RBFOX1: variants seen among roughly 807,000 people sequenced by gnomAD.
RBFOX1 encodes RNA binding protein fox-1 homolog 1.
A neutral mutation model predicts 57.7 loss-of-function variants in RBFOX1; 8 were observed. The observed-to-expected ratio is 0.14, with a 90% CI of 0.08 to 0.25. RBFOX1 has a LOEUF of 0.25. Among genes scored for constraint, RBFOX1 ranks in the 10% least tolerant of loss-of-function variants. RBFOX1 has a pLI of 1.00. For synonymous variants in RBFOX1, 326 were observed against 222.4 expected (o/e 1.47, Z -4.15); for missense variants, 611 against 548.5 (o/e 1.11, Z -1.14).
intron 3 of RBFOX1, among the ~76,000 whole-genome samples, chr16:5,673,922 A>C (rs2050089800): frequency 6.6e-6 from 1 of 152,222 alleles, no homozygotes; most frequent in African/African-American, 2.4e-5. Flanking sequence ...GCTGGTTACA[A>C]AACCGAAAGG....
intron 4 of RBFOX1, among the ~76,000 whole-genome samples, chr16:5,871,333 C>A (rs766911929): frequency 6.6e-6 from 1 of 152,230 alleles, no homozygotes; most frequent in African/African-American, 2.4e-5. Context: ...TAAGATGTCA[C>A]ATACATAATA....
chr16:5,671,344 G>A (rs1359678373), intron 3 of RBFOX1, among the ~76,000 whole-genome samples: 2 of 152,198 alleles, frequency 1.3e-5, no homozygotes, highest in Admixed American at 1.3e-4. Flanking sequence ...GGATAAAGAT[G>A]ATCAGAGAGG....
intron 3 of RBFOX1, among the ~76,000 whole-genome samples, chr16:5,624,697 T>C (rs2048298579): frequency 6.6e-6 from 1 of 152,232 alleles, no homozygotes; most frequent in Non-Finnish European, 1.5e-5. Context: ...CTGCAATGCA[T>C]ATGCATCAGG....
chr16:5,284,776 T>TTTTTTTTTTTTTTTTTTTTTTTTTTTC (rs2063353152), intron 1 of RBFOX1, among the ~76,000 whole-genome samples: 1 of 145,298 alleles, frequency 6.9e-6, no homozygotes, highest in African/African-American at 2.5e-5. Flanking sequence ...TTTTTTTTTT[T>TTTTTTTTTTTTTTTTTTTTTTTTTTTC]TTTTTTACTT....
At chr16:5,339,558 C>T (rs546091438) in intron 1 of RBFOX1, among the ~76,000 whole-genome samples, 8 of 129,104 alleles carry the variant, frequency 6.2e-5, no homozygotes, top group African/African-American at 2.3e-4. Flanking sequence ...TCTTAGCTCA[C>T]TGCAAGCTTC....
At chr16:6,676,296 G>T (rs185712901) in intron 3 of RBFOX1, among the ~76,000 whole-genome samples, 8 of 152,230 alleles carry the variant, frequency 5.3e-5, no homozygotes, top group Non-Finnish European at 1.2e-4. Context: ...TGTGGAGAAA[G>T]TGGATAGGGA....
chr16:7,620,190 A>G (rs2059092765), intron 10 of RBFOX1, among the ~76,000 whole-genome samples: 2 of 152,238 alleles, frequency 1.3e-5, no homozygotes, highest in Admixed American at 6.5e-5. Flanking sequence ...TTCCATGATT[A>G]TGATTGATTC....
chr16:5,367,842 T>C (rs567184385), intron 1 of RBFOX1, among the ~76,000 whole-genome samples: 1 of 152,310 alleles, frequency 6.6e-6, no homozygotes, highest in East Asian at 1.9e-4. Flanking sequence ...GTCTGTCTGT[T>C]TGCTGGAGTT....
chr16:5,661,903 A>C lies in RBFOX1; in HGVS notation c.318+62942A>C, dbSNP rs146122741. 2.2e-3 allele frequency among the ~76,000 whole-genome samples: 337 copies of C among 152,192 alleles called. 2 individuals carry two copies. Among genetic ancestry groups the C allele is most frequent in the African/African-American group, 7.8e-3 (324 of 41,520 alleles). ...TGGGGTCAAGCGATTCTCCTGCTGC[A>C]GCTGCCCGAGTCGCTGGGACTACAG... On this transcript the variant is annotated intron_variant, in intron 3 of 19. Coordinates refer to the RBFOX1 transcript ENST00000641259.
intron 4 of RBFOX1, among the ~76,000 whole-genome samples, chr16:7,192,704 T>G (rs1284488386): frequency 6.6e-6 from 1 of 152,208 alleles, no homozygotes; most frequent in Non-Finnish European, 1.5e-5. Context: ...TTAAGTATGA[T>G]GTTAAACATT....
intron 3 of RBFOX1, among the ~76,000 whole-genome samples, chr16:6,903,681 CT>C (rs1216805235): frequency 6.6e-6 from 1 of 152,072 alleles, no homozygotes; most frequent in East Asian, 1.9e-4. Flanking sequence ...AAAGAGATGC[CT>C]TTCAGAAAGT....
intron 2 of RBFOX1, among the ~76,000 whole-genome samples, chr16:6,419,683 C>G (rs892351093): frequency 2.0e-5 from 3 of 152,134 alleles, no homozygotes; most frequent in Non-Finnish European, 4.4e-5. Context: ...CTACAGGCAT[C>G]CCACCATTCC....
intron 3 of RBFOX1, among the ~76,000 whole-genome samples, chr16:5,675,104 C>G (rs756749835): frequency 1.3e-5 from 2 of 152,054 alleles, no homozygotes; most frequent in African/African-American, 2.4e-5. Flanking sequence ...GCTGTGATTG[C>G]ACCAGTACTC....
At chr16:6,017,545 T>C (rs768551417), upstream of RBFOX1, among the ~76,000 whole-genome samples, 1 of 152,182 alleles carries the variant, frequency 6.6e-6, no homozygotes, top group Non-Finnish European at 1.5e-5. Flanking sequence ...CATACAAATA[T>C]ATTATTATCA....
chr16:6,530,468 T>C (rs1383245602), intron 2 of RBFOX1, among the ~76,000 whole-genome samples: 4 of 152,190 alleles, frequency 2.6e-5, no homozygotes. Context: ...GTTGTAAATA[T>C]TCAAATTCTT....
chr16:5,496,455 G>T (rs530919679), intron 2 of RBFOX1, among the ~76,000 whole-genome samples: 3 of 152,074 alleles, frequency 2.0e-5, no homozygotes, highest in East Asian at 1.9e-4. Context: ...GTCCATCTCA[G>T]AGAGGCCTTT....
chr16:7,702,814 G>A (rs1306542599), intron 14 of RBFOX1, among the ~76,000 whole-genome samples: 2 of 152,204 alleles, frequency 1.3e-5, no homozygotes, highest in African/African-American at 4.8e-5. Flanking sequence ...CAGCAACAAT[G>A]CAAACCAAAG....
chr16:6,574,833 T>C (rs1453248235), intron 2 of RBFOX1, among the ~76,000 whole-genome samples: 1 of 147,094 alleles, frequency 6.8e-6, no homozygotes, highest in East Asian at 2.2e-4. Context: ...GGTCAGGCGA[T>C]CCAGACCATC....
At chr16:7,302,265 T>C (rs544433228) in intron 4 of RBFOX1, among the ~76,000 whole-genome samples, 13 of 152,252 alleles carry the variant, frequency 8.5e-5, no homozygotes, top group Admixed American at 3.9e-4. Flanking sequence ...GAGTGAAGAC[T>C]TCATAGTTAT....
Sources: allele counts gnomAD v4.1 joint callset (sites outside exome capture counted in the v4.1 genomes callset), GRCh38; gene constraint gnomAD v4.1.1; transcripts MANE v1.5; gene names NCBI Gene and HGNC (gene_info 2026-07-23, HGNC 2026-07-21).